KCNK3: variants seen among roughly 807,000 people sequenced by gnomAD.
The protein encoded by KCNK3 is potassium two pore domain channel subfamily K member 3.
A neutral mutation model predicts 27.3 loss-of-function variants in KCNK3; 9 were observed. That is an observed-to-expected ratio of 0.33 (90% CI 0.20 to 0.57). The LOEUF is 0.57. KCNK3 is among the 20% of genes least tolerant of loss of function. KCNK3 has a pLI of 0.87. For missense variants in KCNK3, 391 were observed against 577.7 expected, an observed-to-expected ratio of 0.68 and a Z score of 3.31; for synonymous variants, 278 against 273.8, an observed-to-expected ratio of 1.02 and a Z score of -0.15.
intron 1 of KCNK3, among the ~76,000 whole-genome samples, chr2:26,722,325 G>T (rs1296643149): frequency 6.6e-6 from 1 of 152,194 alleles, no homozygotes; most frequent in African/African-American, 2.4e-5. Flanking sequence ...TAGAATGTTG[G>T]CACTGAAAGG....
chr2:26,713,817 T>C (rs374613746), intron 1 of KCNK3, among the ~76,000 whole-genome samples: 4 of 150,968 alleles, frequency 2.6e-5, no homozygotes, highest in African/African-American at 9.8e-5. Context: ...GGCTCACACT[T>C]GTAATCCCAG....
At chr2:26,715,756 T>G (rs1663219935) in intron 1 of KCNK3, among the ~76,000 whole-genome samples, 1 of 152,172 alleles carries the variant, frequency 6.6e-6, no homozygotes, top group Admixed American at 6.5e-5. Context: ...AGCTGGGGAA[T>G]GTTACAATCA....
chr2:26,709,019 G>A (rs1421454118), intron 1 of KCNK3, among the ~76,000 whole-genome samples: 1 of 152,200 alleles, frequency 6.6e-6, no homozygotes, highest in African/African-American at 2.4e-5. Context: ...TGTTGGAGGA[G>A]AGGGCTGTAG....
In KCNK3 at chr2:26,728,348, A is replaced by G. The variant is rs1274842559; in HGVS notation, c.965A>G (p.Gln322Arg). 6.2e-7 allele frequency: 1 copy of G among 1,606,578 alleles called. No homozygotes were observed. Among genetic ancestry groups the G allele is most frequent in the Non-Finnish European group, 8.5e-7 (1 of 1,176,862 alleles). The change falls in exon 2 of 2, where the codon CAG becomes CGG. Residue 322 changes from glutamine (Q) to arginine (R), a missense_variant. By Grantham distance (43) the Gln-to-Arg change is conservative (BLOSUM62 1). Transcript: ENST00000302909. Reference protein sequence around the residue: ...CLWYKSREKLQYSIPMIIPRD... With the variant: ...CLWYKSREKLRYSIPMIIPRD... Reference sequence around the variant, plus strand: ...TGGTACAAGAGCCGCGAGAAGCTGCAGTACTCCATCCCCATGATCATCCCG... The same window carrying G: ...TGGTACAAGAGCCGCGAGAAGCTGCGGTACTCCATCCCCATGATCATCCCG...
At chr2:26,715,580 C>T (rs920649157) in intron 1 of KCNK3, among the ~76,000 whole-genome samples, 1 of 152,228 alleles carries the variant, frequency 6.6e-6, no homozygotes, top group East Asian at 1.9e-4. Context: ...AGAGGAGAAG[C>T]TGGGTACCAA....
rs559962274 is a variant in KCNK3, at chr2:26,701,251, G to A, written c.283+8093G>A. Among the ~76,000 whole-genome samples the A allele has an allele frequency of 7.5e-4, 114 of 152,336 alleles. No homozygotes were observed. In the Middle Eastern group the frequency reaches 0.017, roughly 23 times the overall value. On this transcript the variant is annotated intron_variant, in intron 1 of 1. Coordinates refer to ENST00000302909, the MANE Select transcript of KCNK3 (RefSeq NM_002246.3). ...CTGGTGGTAAAATGTCAGAGCTGAG[G>A]GCCCAGGAGCTGTGGCCGCTTCCCT...
chr2:26,695,583 A>G (rs1670224883), intron 1 of KCNK3, among the ~76,000 whole-genome samples: 1 of 152,142 alleles, frequency 6.6e-6, no homozygotes, highest in African/African-American at 2.4e-5. Context: ...ACCACACTGT[A>G]CTCAACCTCC....
At position 26,709,304 on chromosome 2, in the gene KCNK3, G is replaced by A. The variant is rs146425028; in HGVS notation, c.283+16146G>A. ...ATAGAAATAATATTGAAAGTCATGC[G>A]CCAGATGAGATCAGCTGGGAAGGGG... On this transcript the variant is annotated intron_variant, in intron 1 of 1. Coordinates refer to ENST00000302909, the MANE Select transcript of KCNK3 (RefSeq NM_002246.3). Among the ~76,000 whole-genome samples, 54 of 152,280 alleles carry A rather than the reference G, an allele frequency of 3.5e-4. No individual in the cohort carries two copies. The East Asian group carries it at 5.6e-3, about 16-fold the overall frequency.
At chr2:26,709,977 TC>T (rs1392535673) in intron 1 of KCNK3, among the ~76,000 whole-genome samples, 1 of 152,250 alleles carries the variant, frequency 6.6e-6, no homozygotes, top group Non-Finnish European at 1.5e-5. Context: ...TTTGATCATT[TC>T]TGTCAGCTTC....
rs138243504 is a variant in KCNK3 at position 26,709,607 on chromosome 2, G to C, written c.283+16449G>C. Among the ~76,000 whole-genome samples the C allele has an allele frequency of 1.0e-3, 156 of 152,276 alleles. 1 individual carries two copies. The East Asian group carries it at 0.028, about 27-fold the overall frequency. Reference sequence around the variant, plus strand: ...TTCAACAGCTTGCTCCAGGAGCGAGGGAAGGGGAGGGTGGTGGGAGTCGGC... The same window carrying C: ...TTCAACAGCTTGCTCCAGGAGCGAGCGAAGGGGAGGGTGGTGGGAGTCGGC... On this transcript the variant is annotated intron_variant, in intron 1 of 1. Transcript: ENST00000302909.
At chr2:26,702,972 C>T (rs369782186) in intron 1 of KCNK3, among the ~76,000 whole-genome samples, 117 of 152,056 alleles carry the variant, frequency 7.7e-4, no homozygotes, top group African/African-American at 2.4e-3. Context: ...AAAAATTAGC[C>T]GGGCATGGTA....
In KCNK3 at chr2:26,698,731, C is replaced by A. The variant is rs185427169; in HGVS notation, c.283+5573C>A. On this transcript the variant is annotated intron_variant, in intron 1 of 1. Transcript: ENST00000302909. ...CTTCCCAATCCCACTCCCCACCCCC[C>A]ATCTCCCCGCTCCTCAGCCATGCCT... 7.2e-4 allele frequency among the ~76,000 whole-genome samples: 110 copies of A among 152,272 alleles called. 1 individual carries two copies. Among genetic ancestry groups the A allele is most frequent in the South Asian group, 1.9e-3 (9 of 4,832 alleles).
Position 26,733,210 on chromosome 2 carries a change from G to A in KCNK3, c.*4642G>A, listed in dbSNP as rs1340906620. Reference sequence around the variant, plus strand: ...CCCCGCTGATTTGGTTACTCGGGGTGAGCATCAGATGGAAATAGAAGTTTC... The same window carrying A: ...CCCCGCTGATTTGGTTACTCGGGGTAAGCATCAGATGGAAATAGAAGTTTC... On this transcript the variant is annotated 3_prime_UTR_variant, in exon 2 of 2. Coordinates refer to ENST00000302909, the MANE Select transcript of KCNK3 (RefSeq NM_002246.3). 6.6e-6 allele frequency: 1 copy of A among 152,226 alleles called. No homozygotes were observed. The highest frequency in any genetic ancestry group is 2.4e-5 in the African/African-American group (1 of 41,454). The allele number at this position is 152,226 out of a possible 1,614,324, so 9.4% of individuals were successfully genotyped here.
intron 1 of KCNK3, among the ~76,000 whole-genome samples, chr2:26,712,129 G>T (rs1209966722): frequency 6.6e-6 from 1 of 152,196 alleles, no homozygotes; most frequent in African/African-American, 2.4e-5. Flanking sequence ...AGGGCTTCAG[G>T]ATGGCCGAGG....
At chr2:26,710,822 C>T (rs760309972) in intron 1 of KCNK3, among the ~76,000 whole-genome samples, 3 of 152,294 alleles carry the variant, frequency 2.0e-5, no homozygotes, top group East Asian at 1.9e-4. Flanking sequence ...CCAGACACCA[C>T]GGAGGTCCAG....
chr2:26,728,680 C>A lies in KCNK3; in HGVS notation c.*112C>A. 1.1e-6 allele frequency: 1 copy of A among 896,610 alleles called. No homozygotes were observed. Among genetic ancestry groups the A allele is most frequent in the Non-Finnish European group, 1.5e-6 (1 of 651,066 alleles). The allele number at this position is 896,610 out of a possible 1,614,324, so 55.5% of individuals were successfully genotyped here. ...CAGTGGGACCCCGCACAACATCCCTCACCACTCTCCCCCAGCACCCCCATC... is the reference window on the plus strand; with the variant it reads ...CAGTGGGACCCCGCACAACATCCCTAACCACTCTCCCCCAGCACCCCCATC... On this transcript the variant is annotated 3_prime_UTR_variant, in exon 2 of 2. Coordinates refer to ENST00000302909, the MANE Select transcript of KCNK3 (RefSeq NM_002246.3).
chr2:26,728,593 T>C lies in KCNK3; in HGVS notation c.*25T>C. The stretch of plus-strand genomic sequence containing the variant: ...ACTGCCCCGAGGGGCCTGGAGCACC[T>C]GGGGGCGCGGGCGGGGGACCCCTGC... On this transcript the variant is annotated 3_prime_UTR_variant, in exon 2 of 2. Transcript: ENST00000302909. The C allele has an allele frequency of 1.4e-6, 2 of 1,409,638 alleles. No individual in the cohort carries two copies. Among genetic ancestry groups the C allele is most frequent in the Non-Finnish European group, 1.8e-6 (2 of 1,082,176 alleles). 87.3% of individuals were successfully genotyped at this position (1,409,638 alleles called of 1,614,324 possible).
Position 26,728,749 on chromosome 2 carries a change from T to A in KCNK3, c.*181T>A. On this transcript the variant is annotated 3_prime_UTR_variant, in exon 2 of 2. Coordinates refer to ENST00000302909, the MANE Select transcript of KCNK3 (RefSeq NM_002246.3). Reference sequence around the variant, plus strand: ...CACCAGCCGGCAGGAGGCCGGGCTCTGAGGACCCCTGGGGCCCCCATCGGA... The same window carrying A: ...CACCAGCCGGCAGGAGGCCGGGCTCAGAGGACCCCTGGGGCCCCCATCGGA... 1 of 505,212 alleles carries A rather than the reference T, an allele frequency of 2.0e-6. No homozygotes were observed. Among genetic ancestry groups the A allele is most frequent in the Non-Finnish European group, 3.2e-6 (1 of 317,396 alleles). The allele number at this position is 505,212 out of a possible 1,614,324, so 31.3% of individuals were successfully genotyped here.
intron 1 of KCNK3, among the ~76,000 whole-genome samples, chr2:26,705,427 A>G (rs1670360532): frequency 6.6e-6 from 1 of 152,138 alleles, no homozygotes; most frequent in African/African-American, 2.4e-5. Flanking sequence ...TGTAGGCATC[A>G]TTATTCCTAC....
Sources: gnomAD v4.1 joint callset for allele counts (sites outside exome capture counted in the v4.1 genomes callset) on GRCh38, gnomAD v4.1.1 for gene constraint, MANE v1.5 for transcripts, NCBI Gene and HGNC (gene_info 2026-07-23, HGNC 2026-07-21) for gene names.